ROBO2: variants seen among roughly 807,000 people sequenced by gnomAD.
ROBO2 encodes roundabout guidance receptor 2, also known as roundabout homolog 2.
In ROBO2, 53 loss-of-function variants were observed where a neutral mutation model predicts 160.8. The observed-to-expected ratio is 0.33, with a 90% CI of 0.26 to 0.41. The LOEUF (loss-of-function observed/expected upper bound fraction) is 0.41. Among genes scored for constraint, ROBO2 ranks in the 10% least tolerant of loss-of-function variants. ROBO2 has a pLI of 1.00. For missense variants in ROBO2, 1,577 were observed against 1,722.4 expected (o/e 0.92, Z 1.49); for synonymous variants, 664 against 611.7 (o/e 1.09, Z -1.26).
intron 2 of ROBO2, among the ~76,000 whole-genome samples, chr3:77,394,994 G>C (rs1374717770): frequency 1.3e-5 from 2 of 152,100 alleles, no homozygotes; most frequent in Non-Finnish European, 2.9e-5. Flanking sequence ...CATATTAACA[G>C]AGTGTTTACA....
At chr3:76,361,567 G>C (rs2075522513) in intron 2 of ROBO2, among the ~76,000 whole-genome samples, 1 of 151,848 alleles carries the variant, frequency 6.6e-6, no homozygotes, top group Non-Finnish European at 1.5e-5. Flanking sequence ...CATAATTTTA[G>C]GGAAAACAAC....
intron 2 of ROBO2, among the ~76,000 whole-genome samples, chr3:77,414,326 T>C (rs1375544804): frequency 1.3e-5 from 2 of 152,352 alleles, no homozygotes; most frequent in East Asian, 3.9e-4. Context: ...AAGTCTCTAT[T>C]GCAGGAGGTT....
intron 2 of ROBO2, among the ~76,000 whole-genome samples, chr3:77,210,780 T>C (rs1466870563): frequency 2.1e-5 from 3 of 140,710 alleles, no homozygotes; most frequent in African/African-American, 7.9e-5. Flanking sequence ...GATGTTCCCC[T>C]TCCTGTGTCC....
At chr3:75,989,883 C>A (rs1320969763) in intron 2 of ROBO2, among the ~76,000 whole-genome samples, 1 of 152,210 alleles carries the variant, frequency 6.6e-6, no homozygotes, top group East Asian at 1.9e-4. Context: ...ATTGCAGGCC[C>A]ATTTTTGGCG....
chr3:76,357,859 A>G lies in ROBO2; in HGVS notation c.109+420257A>G, dbSNP rs531370298. Among the ~76,000 whole-genome samples the G allele has an allele frequency of 1.9e-4, 29 of 150,132 alleles. No homozygotes were observed. In the South Asian group the frequency reaches 5.8e-3, roughly 30 times the overall value. On this transcript the variant is annotated intron_variant, in intron 2 of 26. Transcript: ENST00000487694. ...GAATAGATTAGAAACATCAAACCAA[A>G]TCAAATAGTATGAAAATTATATCTA...
intron 24 of ROBO2, among the ~76,000 whole-genome samples, chr3:77,635,825 T>A (rs1447828424): frequency 6.6e-6 from 1 of 152,166 alleles, no homozygotes; most frequent in African/African-American, 2.4e-5. Context: ...TTCTCAGAAC[T>A]TATCTCCATC....
chr3:76,853,887 C>A (rs1162339114), intron 2 of ROBO2, among the ~76,000 whole-genome samples: 1 of 151,908 alleles, frequency 6.6e-6, no homozygotes, highest in Non-Finnish European at 1.5e-5. Flanking sequence ...TATAAAAATG[C>A]AAAACAATTT....
At chr3:76,765,014 G>A (rs2061499435) in intron 2 of ROBO2, among the ~76,000 whole-genome samples, 1 of 151,576 alleles carries the variant, frequency 6.6e-6, no homozygotes, top group Non-Finnish European at 1.5e-5. Context: ...CACCCAAATA[G>A]TGAACATTGT....
At chr3:76,237,197 T>C (rs1384081583) in intron 2 of ROBO2, among the ~76,000 whole-genome samples, 1 of 152,112 alleles carries the variant, frequency 6.6e-6, no homozygotes, top group African/African-American at 2.4e-5. Flanking sequence ...ACTCAAACAA[T>C]GTAAAACTAA....
At chr3:76,403,190 CG>C (rs1258198870) in intron 2 of ROBO2, among the ~76,000 whole-genome samples, 1 of 151,548 alleles carries the variant, frequency 6.6e-6, no homozygotes, top group Non-Finnish European at 1.5e-5. Context: ...GTTTCTTAAA[CG>C]TGTTCAGACT....
chr3:76,816,447 G>A (rs973240032), intron 2 of ROBO2, among the ~76,000 whole-genome samples: 4 of 151,984 alleles, frequency 2.6e-5, no homozygotes, highest in Admixed American at 6.6e-5. Context: ...GAGCCAAAGC[G>A]TGTGATTCAG....
intron 2 of ROBO2, among the ~76,000 whole-genome samples, chr3:76,894,112 A>G (rs1202669297): frequency 1.3e-5 from 2 of 152,078 alleles, no homozygotes; most frequent in Admixed American, 6.6e-5. Context: ...TTATTCAGGT[A>G]GTACTGCTTA....
At chr3:77,483,314 T>C (rs2084929351) in intron 4 of ROBO2, among the ~76,000 whole-genome samples, 1 of 152,028 alleles carries the variant, frequency 6.6e-6, no homozygotes, top group South Asian at 2.1e-4. Flanking sequence ...TGACAAGTAT[T>C]GCCCGAGAAA....
intron 2 of ROBO2, among the ~76,000 whole-genome samples, chr3:76,474,967 A>G (rs2078855758): frequency 6.6e-6 from 1 of 152,092 alleles, no homozygotes; most frequent in South Asian, 2.1e-4. Flanking sequence ...AGCCCAACCA[A>G]ACGGTGCTTT....
intron 2 of ROBO2, among the ~76,000 whole-genome samples, chr3:76,266,117 A>G (rs1359391285): frequency 6.6e-6 from 1 of 152,104 alleles, no homozygotes; most frequent in Admixed American, 6.6e-5. Context: ...TGAGACATTT[A>G]CATTTTTTGT....
In ROBO2 at chr3:76,050,735, C is replaced by G. The variant is rs142875035; in HGVS notation, c.109+113133C>G. 3.4e-4 allele frequency among the ~76,000 whole-genome samples: 52 copies of G among 152,316 alleles called. No individual in the cohort carries two copies. The East Asian group carries it at 9.8e-3, about 29-fold the overall frequency. On this transcript the variant is annotated intron_variant, in intron 2 of 26. Coordinates refer to the ROBO2 transcript ENST00000487694. Reference sequence around the variant, plus strand: ...CTGATGGCCAGAGCTGTTTCCAGATCTTCTTTGCCTTTATAAATGCCTTCT... The same window carrying G: ...CTGATGGCCAGAGCTGTTTCCAGATGTTCTTTGCCTTTATAAATGCCTTCT...
chr3:76,725,779 C>T (rs982092708), intron 2 of ROBO2, among the ~76,000 whole-genome samples: 3 of 152,142 alleles, frequency 2.0e-5, no homozygotes, highest in Non-Finnish European at 4.4e-5. Flanking sequence ...GAGGGCACTA[C>T]TCTGAAGGTA....
chr3:76,689,875 C>G lies in ROBO2; in HGVS notation c.110-408139C>G, dbSNP rs150791460. On this transcript the variant is annotated intron_variant, in intron 2 of 26. Coordinates refer to the ROBO2 transcript ENST00000487694. ...ATTCTTTGTCCAATTTCTGACCTTT[C>G]TTTACTCTTTGCTTACGTTTCCCAA... Among the ~76,000 whole-genome samples the G allele has an allele frequency of 3.1e-3, 468 of 152,256 alleles. 1 individual carries two copies. The highest frequency in any genetic ancestry group is 0.011 in the African/African-American group (451 of 41,550).
intron 1 of ROBO2, among the ~76,000 whole-genome samples, chr3:77,066,551 G>T (rs2066867674): frequency 6.6e-6 from 1 of 152,000 alleles, no homozygotes; most frequent in Non-Finnish European, 1.5e-5. Context: ...TTTGTATTTG[G>T]TATTTCCCAG....
Sources: gnomAD v4.1 joint callset for allele counts (sites outside exome capture counted in the v4.1 genomes callset) on GRCh38, gnomAD v4.1.1 for gene constraint, MANE v1.5 for transcripts, NCBI Gene and HGNC (gene_info 2026-07-23, HGNC 2026-07-21) for gene names.